Variants in TMEM269 observed in about 807,000 individuals in gnomAD.
TMEM269 encodes transmembrane protein 269.
Under a neutral mutation model 15.8 loss-of-function variants are expected in TMEM269, and 12 were observed. The observed-to-expected ratio is 0.76, with a 90% CI of 0.49 to 1.23. TMEM269 has a LOEUF of 1.23. Among genes scored for constraint, TMEM269 ranks in the 50% most tolerant of loss-of-function variants. The pLI is 0.00. For synonymous variants in TMEM269, 93 were observed against 99.3 expected (o/e 0.94, Z 0.38); for missense variants, 211 against 245.4 (o/e 0.86, Z 0.94).
chr1:42,786,035 G>T (rs571102719), intron 1 of TMEM269, among the ~76,000 whole-genome samples: 2 of 152,168 alleles, frequency 1.3e-5, no homozygotes, highest in South Asian at 2.1e-4. Flanking sequence ...TAAATAAACC[G>T]CATTTTAAAA....
At chr1:42,792,666 G>A (rs935278163) in intron 2 of TMEM269, 139 bp from the exon 3 acceptor site, 3 of 651,622 alleles carry the variant, frequency 4.6e-6, no homozygotes, top group Non-Finnish European at 8.4e-6. Context: ...GACATGAAGA[G>A]GTGTGTATGT....
rs1653652690 is a variant in TMEM269 at position 42,789,937 on chromosome 1, AG to A, written c.41+5del. 1 of 1,549,128 alleles carries A rather than the reference AG, an allele frequency of 6.5e-7. No individual in the cohort carries two copies. The highest frequency in any genetic ancestry group is 1.4e-5 in the African/African-American group (1 of 72,998). On this transcript the variant is annotated splice_donor_region_variant and intron_variant, in intron 2 of 5. Coordinates refer to ENST00000637012, the MANE Select transcript of TMEM269 (RefSeq NM_001354602.2). ...TCCATCATCTTCAGCTTCAGCAGGT[AG>A]GTCTGGGGCCCAGCAAGCTCTTAGC...
chr1:42,798,084 T>C lies in TMEM269; in HGVS notation c.485-14T>C, dbSNP rs1319269426. 5.2e-6 allele frequency: 8 copies of C among 1,551,050 alleles called. No individual in the cohort carries two copies. In the Admixed American group the frequency reaches 1.6e-4, roughly 30 times the overall value. On this transcript the variant is annotated splice_polypyrimidine_tract_variant and intron_variant, in intron 5 of 5. Transcript: ENST00000637012. ...TTCCTAGAAATTGAGTGTCTGCACT[T>C]TTTGTTCTTCCAGGTGTCATCATGC...
At chr1:42,794,087 T>C (rs1170075048) in intron 4 of TMEM269, among the ~76,000 whole-genome samples, 2 of 152,192 alleles carry the variant, frequency 1.3e-5, no homozygotes, top group East Asian at 1.9e-4. Context: ...GTGAGGGAAA[T>C]TGTCTTGCCT....
At chr1:42,793,410 C>T (rs532387086) in intron 3 of TMEM269, among the ~76,000 whole-genome samples, 191 bp from the exon 4 acceptor site, 1 of 152,168 alleles carries the variant, frequency 6.6e-6, no homozygotes, top group Non-Finnish European at 1.5e-5. Context: ...TGCCCAAGGC[C>T]ACCGGCCAGC....
chr1:42,795,222 G>A (rs746254625), intron 5 of TMEM269, among the ~76,000 whole-genome samples: 1 of 152,174 alleles, frequency 6.6e-6, no homozygotes, highest in Non-Finnish European at 1.5e-5. Flanking sequence ...TCAGGCAGAG[G>A]AACAGTATGT....
intron 2 of TMEM269, among the ~76,000 whole-genome samples, chr1:42,790,356 G>C (rs1234985505): frequency 2.6e-5 from 4 of 152,118 alleles, no homozygotes; most frequent in African/African-American, 4.8e-5. Flanking sequence ...TGGGATGTCA[G>C]TCCTTTAAAG....
intron 2 of TMEM269, among the ~76,000 whole-genome samples, chr1:42,791,340 ATACCT>A (rs1357808897): frequency 6.6e-6 from 1 of 152,172 alleles, no homozygotes; most frequent in Non-Finnish European, 1.5e-5. Context: ...GCCATAAAAC[ATACCT>A]TAACAAATTT....
rs1383083870 is a variant in TMEM269 at position 42,800,457 on chromosome 1, C to CA, written c.*2235dup. 1 of 152,190 alleles carries CA rather than the reference C, an allele frequency of 6.6e-6. No individual in the cohort carries two copies. Among genetic ancestry groups the CA allele is most frequent in the Admixed American group, 6.5e-5 (1 of 15,272 alleles). 9.4% of individuals were successfully genotyped at this position (152,190 alleles called of 1,614,324 possible). On this transcript the variant is annotated 3_prime_UTR_variant, in exon 6 of 6. Coordinates refer to ENST00000637012, the MANE Select transcript of TMEM269 (RefSeq NM_001354602.2). The stretch of plus-strand genomic sequence containing the variant: ...CCAAGACTTTAAAATCTGCACTTCT[C>CA]AAATGCATACATGAAGCCAGTGGGG...
At chr1:42,791,737 C>T (rs1193853365) in intron 2 of TMEM269, among the ~76,000 whole-genome samples, 1 of 152,238 alleles carries the variant, frequency 6.6e-6, no homozygotes, top group Non-Finnish European at 1.5e-5. Context: ...CGCAGTGGCA[C>T]ATGCCTGTAG....
At chr1:42,792,300 TAA>T (rs982657075) in intron 2 of TMEM269, among the ~76,000 whole-genome samples, 48 of 152,282 alleles carry the variant, frequency 3.2e-4, no homozygotes, top group African/African-American at 9.9e-4. Flanking sequence ...TTAAAAGACA[TAA>T]GTTACCAAAA....
intron 5 of TMEM269, chr1:42,796,801 A>G (rs1489058689): frequency 3.3e-5 from 5 of 152,274 alleles, no homozygotes. Flanking sequence ...ATGCCCATGC[A>G]TATCCTTAAC....
At chr1:42,794,735 ATC>A (rs1653763652) in intron 5 of TMEM269, 122 bp downstream of exon 5, 1 of 714,806 alleles carries the variant, frequency 1.4e-6, no homozygotes, top group African/African-American at 1.8e-5. Flanking sequence ...ACTGATAATC[ATC>A]TGACATATTT....
At chr1:42,792,730 TG>T in intron 2 of TMEM269, 74 bp from the exon 3 acceptor site, 2 of 840,650 alleles carry the variant, frequency 2.4e-6, no homozygotes, top group Middle Eastern at 2.3e-4. Flanking sequence ...AATATACTAA[TG>T]GGGGGCAGGG....
chr1:42,798,193 G>A lies in TMEM269; in HGVS notation c.580G>A (p.Gly194Ser). ...CATCTTCTTTCCAGATGCTCTGTGG[G>A]GCAAGGCAGCCTGTCTTTCGCCACA... The part of the protein sequence containing the change: ...SYIFFPDALW[G>S]KAACLSPQH The change falls in exon 6 of 6, where the codon GGC (glycine) becomes AGC (serine). Residue 194 changes from glycine to serine, a missense_variant. By Grantham distance (56) the Gly-to-Ser change is moderately conservative. Coordinates refer to ENST00000637012, the MANE Select transcript of TMEM269 (RefSeq NM_001354602.2). The A allele has an allele frequency of 6.5e-7, 1 of 1,548,616 alleles. No individual in the cohort carries two copies. The highest frequency in any genetic ancestry group is 8.7e-7 in the Non-Finnish European group (1 of 1,147,024).
chr1:42,791,140 A>C (rs1018839445), intron 2 of TMEM269, among the ~76,000 whole-genome samples: 1 of 152,240 alleles, frequency 6.6e-6, no homozygotes, highest in Admixed American at 6.5e-5. Flanking sequence ...TGAGTCTACT[A>C]TCAAGGTTGG....
chr1:42,789,723 A>G, intron 1 of TMEM269, 73 bp from the exon 2 acceptor site: 4 of 898,126 alleles, frequency 4.5e-6, no homozygotes, highest in Non-Finnish European at 7.2e-6. Context: ...GATCTAGTGG[A>G]ACAGGTCCCT....
chr1:42,791,137 A>T (rs1389717648), intron 2 of TMEM269, among the ~76,000 whole-genome samples: 1 of 152,254 alleles, frequency 6.6e-6, no homozygotes, highest in Non-Finnish European at 1.5e-5. Flanking sequence ...TGATGAGTCT[A>T]CTATCAAGGT....
rs1343060556 is a variant in TMEM269, at chr1:42,794,649, A to G, written c.484+36A>G. 2.8e-6 allele frequency: 4 copies of G among 1,447,212 alleles called. No individual in the cohort carries two copies. The African/African-American group carries it at 4.2e-5, about 15-fold the overall frequency. 89.6% of individuals were successfully genotyped at this position (1,447,212 alleles called of 1,614,324 possible). On this transcript the variant is annotated intron_variant, in intron 5 of 5. Coordinates refer to ENST00000637012, the MANE Select transcript of TMEM269 (RefSeq NM_001354602.2). ...ATGTCACTATGGCCAGTTTGTTATC[A>G]CAGTTGCTTATTGCCACTGTACCTC...
Sources: allele counts gnomAD v4.1 joint callset (sites outside exome capture counted in the v4.1 genomes callset), GRCh38; gene constraint gnomAD v4.1.1; transcripts MANE v1.5; gene names NCBI Gene and HGNC (gene_info 2026-07-23, HGNC 2026-07-21).